The following UBE2QL1 variants were observed in gnomAD, a reference collection of about 807,000 sequenced individuals.
The protein encoded by UBE2QL1 is ubiquitin conjugating enzyme E2 QL1, also known as ubiquitin-conjugating enzyme E2Q-like protein 1.
UBE2QL1 carries 5 observed loss-of-function variants against 12.6 expected under a neutral mutation model. The ratio of observed to expected loss-of-function variants is 0.40; its 90% CI spans 0.21 to 0.83. UBE2QL1 has a LOEUF of 0.83. Ranked by LOEUF, UBE2QL1 falls within the 40% of genes least tolerant of loss-of-function variation. The pLI is 0.37. For missense variants in UBE2QL1, 99 were observed against 222.6 expected, an observed-to-expected ratio of 0.44 and a Z score of 3.53; for synonymous variants, 96 against 94.5, an observed-to-expected ratio of 1.02 and a Z score of -0.10.
intron 1 of UBE2QL1, among the ~76,000 whole-genome samples, chr5:6,489,663 C>T (rs903871512): frequency 2.4e-4 from 37 of 152,210 alleles, no homozygotes; most frequent in African/African-American, 8.2e-4. Context: ...TTCCACTCCA[C>T]GTTTCAGGTG....
chr5:6,449,974 C>T (rs1739380027), intron 1 of UBE2QL1, among the ~76,000 whole-genome samples: 1 of 151,862 alleles, frequency 6.6e-6, no homozygotes, highest in African/African-American at 2.4e-5. Context: ...TAAATCCGCC[C>T]CCTGCCTTCT....
chr5:6,479,597 A>G lies in UBE2QL1; in HGVS notation c.355-11621A>G, dbSNP rs1248691314. On this transcript the variant is annotated intron_variant, in intron 1 of 1. Transcript: ENST00000399816. The surrounding 1 kb of genome is among the most constrained non-coding windows in gnomAD (Gnocchi z 4.2). ...AAAAAGGGCAGAGGCTGTGCTCATT[A>G]AGACTTTCCAGAATCCTCTGTGAAG... Among the ~76,000 whole-genome samples, 1 of 152,206 alleles carries G rather than the reference A, an allele frequency of 6.6e-6. No individual in the cohort carries two copies. The highest frequency in any genetic ancestry group is 2.4e-5 in the African/African-American group (1 of 41,450).
In UBE2QL1 at chr5:6,463,643, T is replaced by TTATTATTA. The variant is rs1314587860; in HGVS notation, c.354+14397_354+14398insATTATTAT. ...TATTATTATTATTATTATTATTATTTTTGATGCGGAGTCTTGCTCTGTCGC... is the reference window on the plus strand; with the variant it reads ...TATTATTATTATTATTATTATTATTTTATTATTATTGATGCGGAGTCTTGCTCTGTCGC... On this transcript the variant is annotated intron_variant, in intron 1 of 1. Coordinates refer to ENST00000399816, the MANE Select transcript of UBE2QL1 (RefSeq NM_001145161.3). Among the ~76,000 whole-genome samples, 189 of 87,178 alleles carry TTATTATTA rather than the reference T, an allele frequency of 2.2e-3. 1 individual carries two copies. Among genetic ancestry groups the TTATTATTA allele is most frequent in the African/African-American group, 2.8e-3 (66 of 23,852 alleles). 57.2% of individuals were successfully genotyped at this position (87,178 alleles called of 152,430 possible).
At position 6,494,335 on chromosome 5, in the gene UBE2QL1, C is replaced by T. The variant is rs1291183302; in HGVS notation, c.*2986C>T. ...CACACACGCACATGTGCCAATACTC[C>T]TGCAAAGACTTGCTGTTTCTAAAAT... On this transcript the variant is annotated 3_prime_UTR_variant, in exon 2 of 2. Transcript: ENST00000399816. 2 of 152,220 alleles carry T rather than the reference C, an allele frequency of 1.3e-5. No individual in the cohort carries two copies. Among genetic ancestry groups the T allele is most frequent in the Non-Finnish European group, 2.9e-5 (2 of 68,042 alleles). 9.4% of individuals were successfully genotyped at this position (152,220 alleles called of 1,614,324 possible). A position where few individuals can be genotyped will look rare whatever the true frequency, so the allele number is the denominator to read the frequency against.
At chr5:6,463,038 T>C (rs560016733) in intron 1 of UBE2QL1, among the ~76,000 whole-genome samples, 10 of 152,340 alleles carry the variant, frequency 6.6e-5, no homozygotes, top group Non-Finnish European at 1.2e-4. Context: ...TACTGACTCT[T>C]TTCCTTTCTT....
chr5:6,460,727 T>C (rs1481965780), intron 1 of UBE2QL1, among the ~76,000 whole-genome samples: 1 of 152,254 alleles, frequency 6.6e-6, no homozygotes, highest in Non-Finnish European at 1.5e-5. Context: ...ATTAGCTTGA[T>C]TTCTTTTGCT....
At chr5:6,475,688 G>A (rs1049817588) in intron 1 of UBE2QL1, among the ~76,000 whole-genome samples, 1 of 148,098 alleles carries the variant, frequency 6.8e-6, no homozygotes, top group East Asian at 2.0e-4. Context: ...CCCGGGGGAA[G>A]TGTGAGCATG....
intron 1 of UBE2QL1, among the ~76,000 whole-genome samples, chr5:6,465,673 G>A (rs1739772543): frequency 1.3e-5 from 2 of 152,106 alleles, no homozygotes; most frequent in South Asian, 4.1e-4. Flanking sequence ...TTCAGACACA[G>A]CTGCTCTGTG....
chr5:6,481,939 A>G lies in UBE2QL1; in HGVS notation c.355-9279A>G, dbSNP rs1471390171. 6.6e-6 allele frequency among the ~76,000 whole-genome samples: 1 copy of G among 152,170 alleles called. No homozygotes were observed. Among genetic ancestry groups the G allele is most frequent in the African/African-American group, 2.4e-5 (1 of 41,450 alleles). ...CGTGGGCAGAGTTATGTCCTCCCCA[A>G]AATAGTTGAAGTCCTACCCCCTGTG... is the stretch of plus-strand genomic sequence containing the variant. On this transcript the variant is annotated intron_variant, in intron 1 of 1. Coordinates refer to ENST00000399816, the MANE Select transcript of UBE2QL1 (RefSeq NM_001145161.3). This position sits in a 1 kb window ranked among gnomAD's most constrained non-coding sequence, Gnocchi z 4.5.
intron 1 of UBE2QL1, among the ~76,000 whole-genome samples, chr5:6,474,110 T>C (rs930157303): frequency 3.3e-5 from 5 of 152,236 alleles, no homozygotes; most frequent in African/African-American, 1.2e-4. Flanking sequence ...AAGATACTTA[T>C]TGGGAAGCTG....
Position 6,479,369 on chromosome 5 carries a change from C to T in UBE2QL1, c.355-11849C>T, listed in dbSNP as rs1734313698. On this transcript the variant is annotated intron_variant, in intron 1 of 1. Coordinates refer to ENST00000399816, the MANE Select transcript of UBE2QL1 (RefSeq NM_001145161.3). The surrounding 1 kb of genome is among the most constrained non-coding windows in gnomAD (Gnocchi z 4.2). ...GAGGTCAAGTTGGGTAGGAGAACAC[C>T]ATTGTTTCTTGCAGGTCACTCACTG... Among the ~76,000 whole-genome samples the T allele has an allele frequency of 6.6e-6, 1 of 152,078 alleles. No homozygotes were observed. Among genetic ancestry groups the T allele is most frequent in the African/African-American group, 2.4e-5 (1 of 41,430 alleles).
At chr5:6,461,549 C>CG (rs1176389726) in intron 1 of UBE2QL1, among the ~76,000 whole-genome samples, 4 of 122,286 alleles carry the variant, frequency 3.3e-5, no homozygotes, top group Non-Finnish European at 5.3e-5. Flanking sequence ...CACCACCCCC[C>CG]CCCGCCGGCA....
intron 1 of UBE2QL1, among the ~76,000 whole-genome samples, chr5:6,488,881 A>T (rs1734514967): frequency 6.6e-6 from 1 of 152,212 alleles, no homozygotes; most frequent in Admixed American, 6.5e-5. Context: ...GTTTAATAAG[A>T]TAACTTTGGA....
rs1734244654 is a variant in UBE2QL1 at position 6,476,867 on chromosome 5, C to T, written c.355-14351C>T. ...TTGCCATTCACAAGGACAGGAGTGG[C>T]CCCCTCTTGGCATAGAGAGAGTGGA... On this transcript the variant is annotated intron_variant, in intron 1 of 1. Coordinates refer to ENST00000399816, the MANE Select transcript of UBE2QL1 (RefSeq NM_001145161.3). The surrounding 1 kb of genome is among the most constrained non-coding windows in gnomAD (Gnocchi z 4.9). Among the ~76,000 whole-genome samples, 1 of 152,134 alleles carries T rather than the reference C, an allele frequency of 6.6e-6. No homozygotes were observed. Among genetic ancestry groups the T allele is most frequent in the Admixed American group, 6.5e-5 (1 of 15,270 alleles).
chr5:6,456,776 G>A (rs1433379105), intron 1 of UBE2QL1, among the ~76,000 whole-genome samples: 2 of 152,106 alleles, frequency 1.3e-5, no homozygotes, highest in African/African-American at 4.8e-5. Flanking sequence ...GACTGGGAGA[G>A]CAGATTTGGG....
chr5:6,461,175 T>C (rs1015276184), intron 1 of UBE2QL1, among the ~76,000 whole-genome samples: 2 of 152,252 alleles, frequency 1.3e-5, no homozygotes, highest in East Asian at 3.8e-4. Context: ...ATATGACATA[T>C]GGTCTTACTG....
chr5:6,482,588 C>G (rs1221328891), intron 1 of UBE2QL1, among the ~76,000 whole-genome samples: 1 of 150,630 alleles, frequency 6.6e-6, no homozygotes, highest in East Asian at 1.9e-4. Context: ...CCACAGTCCA[C>G]TCTAGAGCAC....
At chr5:6,455,407 A>G (rs1178736050) in intron 1 of UBE2QL1, among the ~76,000 whole-genome samples, 1 of 152,180 alleles carries the variant, frequency 6.6e-6, no homozygotes, top group Non-Finnish European at 1.5e-5. Context: ...CACTTGTGGC[A>G]GGGATTTTGA....
At chr5:6,450,644 A>G (rs1739395988) in intron 1 of UBE2QL1, among the ~76,000 whole-genome samples, 1 of 152,100 alleles carries the variant, frequency 6.6e-6, no homozygotes, top group Non-Finnish European at 1.5e-5. Context: ...TAATCAAATA[A>G]TGCTTGTTCT....
Sources: gnomAD v4.1 joint callset for allele counts (sites outside exome capture counted in the v4.1 genomes callset) on GRCh38, gnomAD v4.1.1 for gene constraint, Gnocchi (gnomAD v3.1) non-coding constraint, MANE v1.5 for transcripts, NCBI Gene and HGNC (gene_info 2026-07-23, HGNC 2026-07-21) for gene names.